SNTB2: variants seen among roughly 807,000 people sequenced by gnomAD.
SNTB2 encodes syntrophin beta 2, also known as beta-2-syntrophin.
A neutral mutation model predicts 46.2 loss-of-function variants in SNTB2; 34 were observed. That is an observed-to-expected ratio of 0.74 (90% CI 0.56 to 0.98). The LOEUF (loss-of-function observed/expected upper bound fraction) is 0.98. Ranked by LOEUF, SNTB2 falls within the 50% of genes least tolerant of loss-of-function variation. The pLI, the probability that SNTB2 is intolerant of heterozygous loss-of-function variation, is 0.00. For missense variants in SNTB2, 603 were observed against 731.4 expected, an observed-to-expected ratio of 0.82 and a Z score of 2.02; for synonymous variants, 290 against 312.6, an observed-to-expected ratio of 0.93 and a Z score of 0.76.
chr16:69,207,154 CTT>C (rs1555497921), intron 1 of SNTB2, among the ~76,000 whole-genome samples: 11 of 126,420 alleles, frequency 8.7e-5, no homozygotes, highest in Admixed American at 8.4e-5. Flanking sequence ...TTCTTTCTTT[CTT>C]TTTTTTTTTT....
chr16:69,187,875 G>A, intron 1 of SNTB2, 129 bp downstream of exon 1: 1 of 769,776 alleles, frequency 1.3e-6, no homozygotes, highest in South Asian at 2.4e-5. Flanking sequence ...CGGGTTTCTG[G>A]AGCTTTCAGT....
intron 1 of SNTB2, among the ~76,000 whole-genome samples, chr16:69,233,330 A>T (rs1215718327): frequency 1.3e-5 from 2 of 152,040 alleles, no homozygotes; most frequent in African/African-American, 4.8e-5. Flanking sequence ...ATCACAAATC[A>T]CCCCTCCCAG....
rs780327732 is a variant in SNTB2, at chr16:69,307,488, G to C, written c.*6564G>C. The stretch of plus-strand genomic sequence containing the variant: ...AAATTAAGTTTTATTGCACAAAGTA[G>C]ATAAATGAGAAAGTCTTTCTTAAAA... On this transcript the variant is annotated 3_prime_UTR_variant, in exon 7 of 7. Coordinates refer to ENST00000336278, the MANE Select transcript of SNTB2 (RefSeq NM_006750.4). 6.6e-6 allele frequency: 1 copy of C among 151,898 alleles called. No individual in the cohort carries two copies. Among genetic ancestry groups the C allele is most frequent in the Non-Finnish European group, 1.5e-5 (1 of 67,942 alleles). The allele number at this position is 151,898 out of a possible 1,614,324, so 9.4% of individuals were successfully genotyped here.
chr16:69,263,448 C>T (rs1205072933), intron 3 of SNTB2, among the ~76,000 whole-genome samples: 9 of 142,260 alleles, frequency 6.3e-5, no homozygotes, highest in Non-Finnish European at 1.1e-4. Context: ...GACGGAGTTT[C>T]GCTCTTGTTG....
intron 1 of SNTB2, among the ~76,000 whole-genome samples, chr16:69,205,523 C>A (rs1964208303): frequency 6.6e-6 from 1 of 151,862 alleles, no homozygotes; most frequent in African/African-American, 2.4e-5. Context: ...TTAACAGATA[C>A]CTCTTGTGGC....
intron 1 of SNTB2, among the ~76,000 whole-genome samples, chr16:69,188,640 A>G (rs563750973): frequency 1.3e-5 from 2 of 152,362 alleles, no homozygotes; most frequent in Non-Finnish European, 2.9e-5. Flanking sequence ...ATAAACGAAA[A>G]GTCAGCTGCT....
At chr16:69,258,268 T>C (rs528331066) in intron 2 of SNTB2, among the ~76,000 whole-genome samples, 1 of 152,190 alleles carries the variant, frequency 6.6e-6, no homozygotes, top group South Asian at 2.1e-4. Flanking sequence ...AAAAGATATA[T>C]ATGTTCACAG....
chr16:69,250,237 C>T (rs1964713328), intron 2 of SNTB2, among the ~76,000 whole-genome samples: 2 of 152,146 alleles, frequency 1.3e-5, no homozygotes, highest in South Asian at 2.1e-4. Context: ...AAGGAGTTTG[C>T]AAAAAATATG....
chr16:69,193,834 C>G (rs1419814348), intron 1 of SNTB2, among the ~76,000 whole-genome samples: 1 of 152,110 alleles, frequency 6.6e-6, no homozygotes, highest in African/African-American at 2.4e-5. Context: ...TGTCACAAAC[C>G]CAAGGCAGTG....
chr16:69,213,087 G>A (rs1395648070), intron 1 of SNTB2, among the ~76,000 whole-genome samples: 2 of 152,112 alleles, frequency 1.3e-5, no homozygotes, highest in African/African-American at 4.8e-5. Context: ...ACAGTGGCAA[G>A]TCTTTTTTTA....
At chr16:69,206,049 T>C (rs1217835930) in intron 1 of SNTB2, among the ~76,000 whole-genome samples, 2 of 152,074 alleles carry the variant, frequency 1.3e-5, no homozygotes, top group South Asian at 2.1e-4. Flanking sequence ...CTGGCTGGAG[T>C]GCAGTGGTGC....
intron 5 of SNTB2, among the ~76,000 whole-genome samples, chr16:69,284,869 C>G (rs1261133380): frequency 6.6e-6 from 1 of 152,048 alleles, no homozygotes; most frequent in African/African-American, 2.4e-5. Flanking sequence ...GATCATACCA[C>G]TGCACTCCAG....
intron 1 of SNTB2, among the ~76,000 whole-genome samples, chr16:69,215,738 C>T (rs375155519): frequency 6.6e-6 from 1 of 152,116 alleles, no homozygotes; most frequent in Non-Finnish European, 1.5e-5. Flanking sequence ...GCTTTATGCG[C>T]TTTATCTCAT....
At chr16:69,213,945 C>T (rs1454480390) in intron 1 of SNTB2, among the ~76,000 whole-genome samples, 1 of 145,780 alleles carries the variant, frequency 6.9e-6, no homozygotes, top group Non-Finnish European at 1.5e-5. Flanking sequence ...CTTCAGCCTT[C>T]CAAGTAGCTG....
intron 1 of SNTB2, among the ~76,000 whole-genome samples, chr16:69,213,044 A>G (rs1263228808): frequency 6.6e-6 from 1 of 152,280 alleles, no homozygotes; most frequent in South Asian, 2.1e-4. Context: ...TACATGCTTG[A>G]TCTTTCCATC....
chr16:69,291,389 T>A (rs1321864211), intron 5 of SNTB2, among the ~76,000 whole-genome samples: 1 of 152,166 alleles, frequency 6.6e-6, no homozygotes, highest in African/African-American at 2.4e-5. Context: ...CATGACACAC[T>A]GATAACCACC....
At chr16:69,247,928 G>A (rs1964686057) in intron 2 of SNTB2, among the ~76,000 whole-genome samples, 1 of 151,798 alleles carries the variant, frequency 6.6e-6, no homozygotes, top group Admixed American at 6.6e-5. Flanking sequence ...GACCAACTTG[G>A]GCAACACAGT....
chr16:69,265,952 TG>T (rs933549809), intron 3 of SNTB2, among the ~76,000 whole-genome samples: 1 of 152,182 alleles, frequency 6.6e-6, no homozygotes, highest in African/African-American at 2.4e-5. Flanking sequence ...CTTTTGTCTC[TG>T]GCCAGAAACT....
intron 3 of SNTB2, among the ~76,000 whole-genome samples, chr16:69,266,389 CA>C (rs1010785151): frequency 6.7e-6 from 1 of 150,128 alleles, no homozygotes; most frequent in African/African-American, 2.4e-5. Flanking sequence ...CAAAACAAAA[CA>C]AAAAAAAGTT....
Sources: allele counts gnomAD v4.1 joint callset (sites outside exome capture counted in the v4.1 genomes callset), GRCh38; gene constraint gnomAD v4.1.1; transcripts MANE v1.5; gene names NCBI Gene and HGNC (gene_info 2026-07-23, HGNC 2026-07-21).